The following ACSL1 variants were observed in gnomAD, a reference collection of about 807,000 sequenced individuals.
ACSL1 encodes acyl-CoA synthetase long chain family member 1.
Under a neutral mutation model 98.4 loss-of-function variants are expected in ACSL1, and 41 were observed. That is an observed-to-expected ratio of 0.42 (90% CI 0.32 to 0.54). ACSL1 has a LOEUF of 0.54. Among genes scored for constraint, ACSL1 ranks in the 20% least tolerant of loss-of-function variants. The pLI is 0.13. For missense variants in ACSL1, 734 were observed against 883.1 expected (o/e 0.83, Z 2.14); for synonymous variants, 316 against 322.7 (o/e 0.98, Z 0.22).
intron 4 of ACSL1, among the ~76,000 whole-genome samples, chr4:184,780,857 G>A (rs1766126412): frequency 6.6e-6 from 1 of 152,086 alleles, no homozygotes. Flanking sequence ...TAAAAAATAA[G>A]AGCAAGCTCT....
intron 5 of ACSL1, among the ~76,000 whole-genome samples, chr4:184,777,330 C>T (rs563277184): frequency 6.6e-6 from 1 of 152,270 alleles, no homozygotes; most frequent in African/African-American, 2.4e-5. Context: ...CATGGTGGCA[C>T]ACACCATGTC....
intron 2 of ACSL1, among the ~76,000 whole-genome samples, chr4:184,795,296 C>G (rs186670226): frequency 6.6e-6 from 1 of 152,324 alleles, no homozygotes; most frequent in African/African-American, 2.4e-5. Context: ...TTCCATCTGG[C>G]TATTTTTAAA....
At chr4:184,767,737 G>A (rs1763838237) in intron 12 of ACSL1, among the ~76,000 whole-genome samples, 1 of 152,302 alleles carries the variant, frequency 6.6e-6, no homozygotes, top group South Asian at 2.1e-4. Flanking sequence ...TCAAAATAAA[G>A]AGTAAGTGAA....
chr4:184,774,962 A>AATTCTTAC (rs1765064948), intron 7 of ACSL1, among the ~76,000 whole-genome samples: 2 of 152,216 alleles, frequency 1.3e-5, no homozygotes. Context: ...GTCTATTAAA[A>AATTCTTAC]ATTCTTACAT....
At chr4:184,759,206 C>A (rs921178071) in intron 18 of ACSL1, among the ~76,000 whole-genome samples, 18 of 152,146 alleles carry the variant, frequency 1.2e-4, no homozygotes, top group African/African-American at 4.1e-4. Context: ...CTGCAATAAA[C>A]ATACGTGTGC....
intron 15 of ACSL1, among the ~76,000 whole-genome samples, chr4:184,763,840 A>G (rs181962670): frequency 7.6e-4 from 116 of 152,370 alleles, no homozygotes; most frequent in African/African-American, 2.7e-3. Flanking sequence ...GCAACAACAG[A>G]CATTAGATAT....
At position 184,776,573 on chromosome 4, in the gene ACSL1, T is replaced by C. The variant is rs1264633045; in HGVS notation, c.667A>G (p.Ile223Val). 6.2e-7 allele frequency: 1 copy of C among 1,614,168 alleles called. No individual in the cohort carries two copies. Among genetic ancestry groups the C allele is most frequent in the Non-Finnish European group, 8.5e-7 (1 of 1,180,026 alleles). Residue 223 changes from isoleucine to valine, a missense_variant, in exon 7 of 21, where the codon ATC (isoleucine) becomes GTC (valine). Coordinates refer to ENST00000281455, the MANE Select transcript of ACSL1 (RefSeq NM_001995.5). Reference protein sequence around the residue: ...VENKLIPGLKIIVVMDAYGSE... With the variant: ...VENKLIPGLKVIVVMDAYGSE... ...CCGTAGGCATCCATGACAACTATGATTTTAAGGCCTGGTATTAACTTATTT... is the reference window on the plus strand; with the variant it reads ...CCGTAGGCATCCATGACAACTATGACTTTAAGGCCTGGTATTAACTTATTT...
At chr4:184,785,382 G>GA (rs757472884) in intron 3 of ACSL1, among the ~76,000 whole-genome samples, 2 of 152,144 alleles carry the variant, frequency 1.3e-5, no homozygotes, top group Non-Finnish European at 2.9e-5. Context: ...AGTGCAGCTA[G>GA]AGATGAGAGC....
At chr4:184,812,185 A>G (rs943184269) in intron 1 of ACSL1, 22 of 985,148 alleles carry the variant, frequency 2.2e-5, no homozygotes, top group Non-Finnish European at 2.7e-5. Context: ...GTACCTATGT[A>G]GATGCTTCTT....
intron 1 of ACSL1, among the ~76,000 whole-genome samples, chr4:184,814,213 C>T (rs1277044309): frequency 2.0e-5 from 3 of 151,080 alleles, no homozygotes; most frequent in African/African-American, 7.3e-5. Context: ...ATGGCATGAA[C>T]CCGGGAGGCG....
chr4:184,776,079 G>A (rs1467811172), intron 7 of ACSL1, among the ~76,000 whole-genome samples: 1 of 152,178 alleles, frequency 6.6e-6, no homozygotes, highest in African/African-American at 2.4e-5. Context: ...AGCCATCCAG[G>A]GAAAAGAACG....
At chr4:184,781,854 G>T (rs1561203974) in intron 4 of ACSL1, among the ~76,000 whole-genome samples, 1 of 152,196 alleles carries the variant, frequency 6.6e-6, no homozygotes, top group African/African-American at 2.4e-5. Flanking sequence ...CAGGTGATCT[G>T]CCCCCGTCGG....
At chr4:184,794,518 A>G (rs1218269009) in intron 2 of ACSL1, among the ~76,000 whole-genome samples, 3 of 152,168 alleles carry the variant, frequency 2.0e-5, no homozygotes, top group Non-Finnish European at 4.4e-5. Context: ...GAAGGGCAGA[A>G]CTATCCTGAC....
chr4:184,800,439 T>C (rs1303885889), intron 2 of ACSL1, among the ~76,000 whole-genome samples: 1 of 152,142 alleles, frequency 6.6e-6, no homozygotes, highest in East Asian at 1.9e-4. Flanking sequence ...TCGTTTTCAC[T>C]AGGGGGCCAT....
intron 1 of ACSL1, among the ~76,000 whole-genome samples, chr4:184,819,555 G>C (rs1442352724): frequency 6.6e-6 from 1 of 152,116 alleles, no homozygotes; most frequent in Admixed American, 6.6e-5. Flanking sequence ...CCAGGACACA[G>C]GAAGGTCAGT....
intron 1 of ACSL1, among the ~76,000 whole-genome samples, chr4:184,804,535 C>T (rs1016627641): frequency 1.3e-5 from 2 of 150,856 alleles, no homozygotes; most frequent in Non-Finnish European, 2.9e-5. Context: ...GAGCCGGGAT[C>T]GTGCCACTGC....
At chr4:184,787,429 A>C (rs576036211) in intron 3 of ACSL1, among the ~76,000 whole-genome samples, 1 of 152,320 alleles carries the variant, frequency 6.6e-6, no homozygotes, top group South Asian at 2.1e-4. Context: ...AAAGGGAAGA[A>C]ATGCTTCACT....
At chr4:184,789,953 T>C (rs1561216063) in intron 2 of ACSL1, among the ~76,000 whole-genome samples, 2 of 151,444 alleles carry the variant, frequency 1.3e-5, no homozygotes, top group African/African-American at 4.9e-5. Context: ...TTGGAGAAAT[T>C]AGACTGTGAT....
chr4:184,789,930 A>C (rs565369213), intron 2 of ACSL1, among the ~76,000 whole-genome samples: 213 of 151,104 alleles, frequency 1.4e-3, no homozygotes, highest in African/African-American at 5.1e-3. Flanking sequence ...CTTTTACAAC[A>C]GTCTGGAAAC....
Sources: gnomAD v4.1 joint callset for allele counts (sites outside exome capture counted in the v4.1 genomes callset) on GRCh38, gnomAD v4.1.1 for gene constraint, MANE v1.5 for transcripts, NCBI Gene and HGNC (gene_info 2026-07-23, HGNC 2026-07-21) for gene names.